FER1L5: variants seen among roughly 807,000 people sequenced by gnomAD.
The protein encoded by FER1L5 is fer-1-like protein 5.
In FER1L5, 187 loss-of-function variants were observed where a neutral mutation model predicts 279.9. The ratio of observed to expected loss-of-function variants is 0.67; its 90% CI spans 0.59 to 0.75. The LOEUF (loss-of-function observed/expected upper bound fraction) is 0.75, where lower values mean the gene tolerates loss of function less well. FER1L5 is among the 30% of genes least tolerant of loss of function. The pLI, the probability that FER1L5 is intolerant of heterozygous loss-of-function variation, is 0.00. For synonymous variants in FER1L5, 921 were observed against 989.7 expected (o/e 0.93, Z 1.30); for missense variants, 2,091 against 2,594.4 (o/e 0.81, Z 4.21).
intron 7 of FER1L5, chr2:96,652,237 A>G: frequency 1.7e-6 from 1 of 597,000 alleles, no homozygotes. Context: ...GGCACAACTC[A>G]TGAATCCGTA....
intron 7 of FER1L5, 46 bp from the exon 8 acceptor site, chr2:96,653,594 G>A (rs1314522462): frequency 4.2e-6 from 6 of 1,415,124 alleles, no homozygotes; most frequent in African/African-American, 1.4e-5. Context: ...CTTGGGTGAA[G>A]TGGCGGAAGA....
At position 96,698,243 on chromosome 2, in the gene FER1L5, C is replaced by T. The variant is rs2077456493; in HGVS notation, c.4356+87C>T. On this transcript the variant is annotated intron_variant, in intron 40 of 52. Transcript: ENST00000624922. This position sits in a 1 kb window ranked among gnomAD's most constrained non-coding sequence, Gnocchi z 5.5. Reference sequence around the variant, plus strand: ...CGAATAAAAGCCCTGGCTCTATATGCTCATTGTGAAGATGGAGCAGGGCTT... The same window carrying T: ...CGAATAAAAGCCCTGGCTCTATATGTTCATTGTGAAGATGGAGCAGGGCTT... 1.4e-6 allele frequency: 2 copies of T among 1,471,600 alleles called. No homozygotes were observed. The highest frequency in any genetic ancestry group is 1.4e-5 in the African/African-American group (1 of 70,812). 91.2% of individuals were successfully genotyped at this position (1,471,600 alleles called of 1,614,324 possible). A position where few individuals can be genotyped will look rare whatever the true frequency, so the allele number is the denominator to read the frequency against.
intron 19 of FER1L5, among the ~76,000 whole-genome samples, chr2:96,678,220 C>G (rs1197436623): frequency 1.3e-5 from 2 of 150,550 alleles, no homozygotes; most frequent in African/African-American, 4.9e-5. Context: ...CGCCCGCCCC[C>G]CGGGTTCAAG....
chr2:96,651,271 CTTTCTTTCTT>C (rs2075360998), intron 6 of FER1L5, among the ~76,000 whole-genome samples: 1 of 150,156 alleles, frequency 6.7e-6, no homozygotes, highest in African/African-American at 2.5e-5. Flanking sequence ...TTCTTTCTTT[CTTTCTTTCTT>C]TCTTTCTTTC....
chr2:96,703,640 T>A lies in FER1L5; in HGVS notation c.5801+8T>A. ...CACACTTCATCCTCCCCTGTAAGGGTCCTTGGGGCAAAAGCACCAGATCTT... is the reference window on the plus strand; with the variant it reads ...CACACTTCATCCTCCCCTGTAAGGGACCTTGGGGCAAAAGCACCAGATCTT... On this transcript the variant is annotated splice_region_variant and intron_variant, in intron 51 of 52. Coordinates refer to ENST00000624922, the MANE Select transcript of FER1L5 (RefSeq NM_001293083.2). The A allele has an allele frequency of 1.2e-6, 2 of 1,612,950 alleles. No homozygotes were observed. The highest frequency in any genetic ancestry group is 1.7e-6 in the Non-Finnish European group (2 of 1,179,134).
intron 17 of FER1L5, 100 bp downstream of exon 17, chr2:96,669,237 C>G: frequency 8.3e-7 from 1 of 1,202,754 alleles, no homozygotes. Context: ...GCCCTGGTTT[C>G]TGTCCCTCGG....
intron 7 of FER1L5, 116 bp downstream of exon 7, chr2:96,652,136 A>G: frequency 7.1e-7 from 1 of 1,403,500 alleles, no homozygotes; most frequent in South Asian, 1.3e-5. Context: ...TTCCACAAGC[A>G]TTTACTGAGT....
chr2:96,653,983 C>T (rs2075490103), intron 8 of FER1L5: 5 of 474,908 alleles, frequency 1.1e-5, no homozygotes, highest in Non-Finnish European at 1.9e-5. Context: ...ACCAAAGGCC[C>T]CTCCAAGTAG....
chr2:96,643,777 G>A (rs2074989962), intron 1 of FER1L5, among the ~76,000 whole-genome samples: 2 of 151,622 alleles, frequency 1.3e-5, no homozygotes, highest in South Asian at 4.1e-4. Context: ...CAAGAAGGAA[G>A]GGAAAGAAAG....
chr2:96,685,435 A>C lies in FER1L5; in HGVS notation c.1895+6A>C. 6.5e-7 allele frequency: 1 copy of C among 1,548,784 alleles called. No individual in the cohort carries two copies. The highest frequency in any genetic ancestry group is 8.7e-7 in the Non-Finnish European group (1 of 1,145,872). On this transcript the variant is annotated splice_donor_region_variant and intron_variant, in intron 21 of 52. Coordinates refer to ENST00000624922, the MANE Select transcript of FER1L5 (RefSeq NM_001293083.2). Reference sequence around the variant, plus strand: ...GAGCTGGCAGAGGACTGCAAGTAGGAGTAGGGGCACTCCGGGATACAGCTG... The same window carrying C: ...GAGCTGGCAGAGGACTGCAAGTAGGCGTAGGGGCACTCCGGGATACAGCTG...
chr2:96,661,201 T>C, intron 10 of FER1L5, 124 bp from the exon 11 acceptor site: 1 of 634,652 alleles, frequency 1.6e-6, no homozygotes, highest in Admixed American at 3.2e-5. Context: ...CCTCTGCCAC[T>C]GGATAGAAAG....
At chr2:96,651,244 T>TTTCC (rs1197049042) in intron 6 of FER1L5, among the ~76,000 whole-genome samples, 86 of 62,566 alleles carry the variant, frequency 1.4e-3, no homozygotes, top group African/African-American at 4.6e-3. Flanking sequence ...TTTCTCTTTC[T>TTTCC]TTCTTTCTTT....
In FER1L5 at chr2:96,702,147, C is replaced by A; in HGVS notation, c.5159+104C>A. On this transcript the variant is annotated intron_variant, in intron 46 of 52. Coordinates refer to ENST00000624922, the MANE Select transcript of FER1L5 (RefSeq NM_001293083.2). This position sits in a 1 kb window ranked among gnomAD's most constrained non-coding sequence, Gnocchi z 4.0. Reference sequence around the variant, plus strand: ...TACTGAGCTGCAGTAATTCGTTTCTCTATTGGGAAGAGAGGAAGCTCTACT... The same window carrying A: ...TACTGAGCTGCAGTAATTCGTTTCTATATTGGGAAGAGAGGAAGCTCTACT... 2 of 1,572,390 alleles carry A rather than the reference C, an allele frequency of 1.3e-6. No individual in the cohort carries two copies. The highest frequency in any genetic ancestry group is 2.3e-5 in the South Asian group (2 of 86,984).
At position 96,661,355 on chromosome 2, in the gene FER1L5, T is replaced by C. The variant is rs761294118; in HGVS notation, c.809T>C (p.Leu270Pro). The change falls in exon 11 of 53, where the codon CTC (leucine) becomes CCC (proline). Residue 270 changes from leucine to proline, a missense_variant. Leu to Pro is a moderately conservative substitution (Grantham distance 98, BLOSUM62 -3). Transcript: ENST00000624922. ...ACACTCCTAAGGAAATGGCTAGGCC[T>C]CTGCCAGCCAAATAACCCTGGCAGT... ...GHTLLRKWLG[L>P]CQPNNPGSGV... 9.7e-6 allele frequency: 15 copies of C among 1,551,282 alleles called. No individual in the cohort carries two copies. Among genetic ancestry groups the C allele is most frequent in the African/African-American group, 1.4e-5 (1 of 73,020 alleles).
At chr2:96,643,032 C>T (rs2074952354) in intron 1 of FER1L5, 111 bp downstream of exon 1, 12 of 884,594 alleles carry the variant, frequency 1.4e-5, no homozygotes, top group Non-Finnish European at 1.8e-5. Context: ...CCCTGTGTAA[C>T]ACAAAGTGAA....
At position 96,642,876 on chromosome 2, in the gene FER1L5, C is replaced by T. The variant is rs368002839; in HGVS notation, c.40C>T (p.Pro14Ser). The change falls in exon 1 of 53, where the codon CCA (proline) becomes TCA (serine). Residue 14 changes from proline (P) to serine (S), a missense_variant. Transcript: ENST00000624922. ...LVVQSAKIDP[P>S]LAPLPRPCMS... Reference sequence around the variant, plus strand: ...GGTGCAGTCGGCCAAGATTGACCCACCACTAGCCCCACTACCCAGGCCCTG... The same window carrying T: ...GGTGCAGTCGGCCAAGATTGACCCATCACTAGCCCCACTACCCAGGCCCTG... 5 of 1,551,126 alleles carry T rather than the reference C, an allele frequency of 3.2e-6. No individual in the cohort carries two copies. Among genetic ancestry groups the T allele is most frequent in the African/African-American group, 1.4e-5 (1 of 73,012 alleles).
rs1478683903 is a variant in FER1L5 at position 96,703,548 on chromosome 2, TTC to T, written c.5719_5720del (p.Leu1907ValfsTer70). ...GGCAAGGTGAAGATGAGCCTGGAGA[TTC>T]TGTCAGAGAAGGAAGCCTTAATCAA... On this transcript the variant is annotated frameshift_variant, in exon 51 of 53. Transcript: ENST00000624922. LOFTEE classifies it high-confidence loss of function. 6.2e-7 allele frequency: 1 copy of T among 1,613,966 alleles called. No individual in the cohort carries two copies. Among genetic ancestry groups the T allele is most frequent in the Non-Finnish European group, 8.5e-7 (1 of 1,179,872 alleles).
chr2:96,644,812 G>A (rs1305932390), intron 1 of FER1L5, among the ~76,000 whole-genome samples: 1 of 152,182 alleles, frequency 6.6e-6, no homozygotes, highest in Non-Finnish European at 1.5e-5. Flanking sequence ...GTTTCAAGAG[G>A]GGCGGTGGGA....
In FER1L5 at chr2:96,704,808, T is replaced by C. The variant is rs2077726252; in HGVS notation, c.*116T>C. On this transcript the variant is annotated 3_prime_UTR_variant, in exon 53 of 53. Transcript: ENST00000624922. ...TGCAAGATGCTAGGAATATTCTGGC[T>C]ATTGTGTTCAGAAATCACTTTCAAC... 2.5e-6 allele frequency: 2 copies of C among 785,818 alleles called. No individual in the cohort carries two copies. Among genetic ancestry groups the C allele is most frequent in the Admixed American group, 2.7e-5 (1 of 36,616 alleles). 48.7% of individuals were successfully genotyped at this position (785,818 alleles called of 1,614,324 possible). A position where few individuals can be genotyped will look rare whatever the true frequency, so the allele number is the denominator to read the frequency against.
Sources: gnomAD v4.1 joint callset for allele counts (sites outside exome capture counted in the v4.1 genomes callset) on GRCh38, gnomAD v4.1.1 for gene constraint, Gnocchi (gnomAD v3.1) non-coding constraint, MANE v1.5 for transcripts, NCBI Gene and HGNC (gene_info 2026-07-23, HGNC 2026-07-21) for gene names.